The following TMEM265 variants were observed in gnomAD, a reference collection of about 807,000 sequenced individuals.
TMEM265 encodes the protein transmembrane protein 265.
Under a neutral mutation model 9.5 loss-of-function variants are expected in TMEM265, and 8 were observed. The ratio of observed to expected loss-of-function variants is 0.84; its 90% CI spans 0.49 to 1.52. TMEM265 has a LOEUF of 1.52. TMEM265 is among the 40% of genes most tolerant of loss of function. The pLI, the probability that TMEM265 is intolerant of heterozygous loss-of-function variation, is 0.00. For missense variants in TMEM265, 152 were observed against 146.2 expected, an observed-to-expected ratio of 1.04 and a Z score of -0.21; for synonymous variants, 53 against 56.9, an observed-to-expected ratio of 0.93 and a Z score of 0.31.
intron 2 of TMEM265, 64 bp from the exon 3 acceptor site, chr16:30,743,718 T>A: frequency 7.0e-7 from 1 of 1,432,102 alleles, no homozygotes; most frequent in Non-Finnish European, 9.2e-7. Context: ...GGGAGCGGAG[T>A]GGGGAAATGG....
chr16:30,743,374 T>G (rs556518099), intron 2 of TMEM265, among the ~76,000 whole-genome samples: 37 of 151,606 alleles, frequency 2.4e-4, no homozygotes, highest in Admixed American at 2.0e-3. Flanking sequence ...GGAGTGAAAC[T>G]GTCTCAAAAA....
chr16:30,744,522 C>A lies in TMEM265; in HGVS notation c.*579C>A, dbSNP rs1165510794. On this transcript the variant is annotated 3_prime_UTR_variant, in exon 3 of 3. Transcript: ENST00000615541. Reference sequence around the variant, plus strand: ...AGCAGCTGCTACTATTTATTACTTACTATATTCCAGGCTGTGTTCTAAGCA... The same window carrying A: ...AGCAGCTGCTACTATTTATTACTTAATATATTCCAGGCTGTGTTCTAAGCA... 3.3e-5 allele frequency: 5 copies of A among 152,194 alleles called. No individual in the cohort carries two copies. The highest frequency in any genetic ancestry group is 9.7e-5 in the African/African-American group (4 of 41,448). 9.4% of individuals were successfully genotyped at this position (152,194 alleles called of 1,614,324 possible).
At chr16:30,741,512 C>T (rs1688081187) in intron 1 of TMEM265, 1 of 493,576 alleles carries the variant, frequency 2.0e-6, no homozygotes, top group South Asian at 3.7e-5. Flanking sequence ...GCCTTGTCTA[C>T]ACTGGCTTGC....
At chr16:30,743,256 C>T (rs896339788) in intron 2 of TMEM265, among the ~76,000 whole-genome samples, 4 of 152,020 alleles carry the variant, frequency 2.6e-5, no homozygotes, top group African/African-American at 7.3e-5. Flanking sequence ...CGTGGTGGCA[C>T]GTACCTGTTA....
Position 30,744,552 on chromosome 16 carries a change from A to G in TMEM265, c.*609A>G, listed in dbSNP as rs2053244904. Reference sequence around the variant, plus strand: ...TTCCAGGCTGTGTTCTAAGCACTTTATATTTCTTAACTTCCTCCAGTTTTC... The same window carrying G: ...TTCCAGGCTGTGTTCTAAGCACTTTGTATTTCTTAACTTCCTCCAGTTTTC... On this transcript the variant is annotated 3_prime_UTR_variant, in exon 3 of 3. Transcript: ENST00000615541. The G allele has an allele frequency of 6.6e-6, 1 of 152,176 alleles. No homozygotes were observed. Among genetic ancestry groups the G allele is most frequent in the African/African-American group, 2.4e-5 (1 of 41,428 alleles). 9.4% of individuals were successfully genotyped at this position (152,176 alleles called of 1,614,324 possible).
rs1185047499 is a variant in TMEM265 at position 30,743,869 on chromosome 16, G to C, written c.253G>C (p.Val85Leu). ...ARKLILASFA[V>L]WLAVLILGPL... is the part of the protein sequence containing the mutation. ...GAAACTCATCCTGGCCAGCTTTGCT[G>C]TCTGGCTTGCTGTCCTCATTCTGGG... Residue 85 changes from valine (V) to leucine (L), a missense_variant, in exon 3 of 3, where the codon GTC becomes CTC. By Grantham distance (32) the Val-to-Leu change is conservative. Transcript: ENST00000615541. The C allele has an allele frequency of 3.9e-6, 6 of 1,533,866 alleles. No individual in the cohort carries two copies. The highest frequency in any genetic ancestry group is 5.2e-6 in the Non-Finnish European group (6 of 1,146,736).
Position 30,744,164 on chromosome 16 carries a change from A to G in TMEM265, c.*221A>G, listed in dbSNP as rs981867848. ...CTGCTCTGTTCTTTCAGGGCCCCCC[A>G]CCCCCATCTCCCCTACCCTAGCCCA... On this transcript the variant is annotated 3_prime_UTR_variant, in exon 3 of 3. Coordinates refer to ENST00000615541, the MANE Select transcript of TMEM265 (RefSeq NM_001256829.2). 8 of 473,326 alleles carry G rather than the reference A, an allele frequency of 1.7e-5. No homozygotes were observed. Among genetic ancestry groups the G allele is most frequent in the African/African-American group, 1.2e-4 (6 of 49,892 alleles). The allele number at this position is 473,326 out of a possible 1,614,324, so 29.3% of individuals were successfully genotyped here. A position where few individuals can be genotyped will look rare whatever the true frequency, so the allele number is the denominator to read the frequency against.
At chr16:30,741,714 C>G in intron 1 of TMEM265, 27 bp from the exon 2 acceptor site, 1 of 1,523,756 alleles carries the variant, frequency 6.6e-7, no homozygotes, top group East Asian at 2.5e-5. Flanking sequence ...TTGTTGGGCT[C>G]ACAAGTACCT....
chr16:30,740,786 C>T (rs996864129), intron 1 of TMEM265, 79 bp downstream of exon 1: 1 of 152,386 alleles, frequency 6.6e-6, no homozygotes, highest in Non-Finnish European at 1.5e-5. Flanking sequence ...TCTGTGCTTA[C>T]CTCATCTGAG....
In TMEM265 at chr16:30,741,852, A is replaced by G; in HGVS notation, c.109A>G (p.Ser37Gly). The change falls in exon 2 of 3, where the codon AGC (serine) becomes GGC (glycine). Residue 37 changes from serine (S) to glycine (G), a missense_variant. Transcript: ENST00000615541. ...WLRLRCLAAT[S>G]IICGCSCLGV... Reference sequence around the variant, plus strand: ...CCGCCTCCGCTGCTTGGCAGCTACTAGCATTATCTGTGGCTGCTCTTGCCT... The same window carrying G: ...CCGCCTCCGCTGCTTGGCAGCTACTGGCATTATCTGTGGCTGCTCTTGCCT... The G allele has an allele frequency of 2.0e-6, 3 of 1,533,888 alleles. No individual in the cohort carries two copies. The highest frequency in any genetic ancestry group is 2.6e-6 in the Non-Finnish European group (3 of 1,146,704).
At position 30,744,033 on chromosome 16, in the gene TMEM265, G is replaced by A. The variant is rs2053241656; in HGVS notation, c.*90G>A. 1 of 1,417,790 alleles carries A rather than the reference G, an allele frequency of 7.1e-7. No homozygotes were observed. The highest frequency in any genetic ancestry group is 9.4e-7 in the Non-Finnish European group (1 of 1,068,038). 87.8% of individuals were successfully genotyped at this position (1,417,790 alleles called of 1,614,324 possible). On this transcript the variant is annotated 3_prime_UTR_variant, in exon 3 of 3. Coordinates refer to ENST00000615541, the MANE Select transcript of TMEM265 (RefSeq NM_001256829.2). ...GGTCCTGTGACAGCAGTGGTTGGAA[G>A]GATCCTGGTTGGAAGGATGGGGACT...
Position 30,744,746 on chromosome 16 carries a change from G to A in TMEM265, c.*803G>A, listed in dbSNP as rs930471996. On this transcript the variant is annotated 3_prime_UTR_variant, in exon 3 of 3. Transcript: ENST00000615541. ...TGCACAAGGTCCTCAGCTACTAAAT[G>A]GTAGAGCTGAGACTGAACCCAGACA... The A allele has an allele frequency of 6.6e-6, 1 of 152,206 alleles. No homozygotes were observed. Among genetic ancestry groups the A allele is most frequent in the African/African-American group, 2.4e-5 (1 of 41,446 alleles). 9.4% of individuals were successfully genotyped at this position (152,206 alleles called of 1,614,324 possible).
chr16:30,744,163 C>T lies in TMEM265; in HGVS notation c.*220C>T. ...CCTGCTCTGTTCTTTCAGGGCCCCC[C>T]ACCCCCATCTCCCCTACCCTAGCCC... is the stretch of plus-strand genomic sequence containing the variant. On this transcript the variant is annotated 3_prime_UTR_variant, in exon 3 of 3. Coordinates refer to ENST00000615541, the MANE Select transcript of TMEM265 (RefSeq NM_001256829.2). 2.1e-6 allele frequency: 1 copy of T among 485,762 alleles called. No homozygotes were observed. The highest frequency in any genetic ancestry group is 3.5e-6 in the Non-Finnish European group (1 of 286,782). 30.1% of individuals were successfully genotyped at this position (485,762 alleles called of 1,614,324 possible).
Position 30,741,765 on chromosome 16 carries a change from G to A in TMEM265, c.22G>A (p.Val8Met). 1 of 1,533,984 alleles carries A rather than the reference G, an allele frequency of 6.5e-7. No homozygotes were observed. MEDEEKA[V>M]EILGNTEAAH... ...GGTGATGGAGGACGAGGAGAAGGCA[G>A]TGGAGATCTTGGGCAACACGGAAGC... The change falls in exon 2 of 3, where the codon GTG becomes ATG. Residue 8 changes from valine to methionine, a missense_variant. Transcript: ENST00000615541.
Position 30,741,773 on chromosome 16 carries a change from C to A in TMEM265, c.30C>A (p.Ile10=), listed in dbSNP as rs1415068292. 2.0e-6 allele frequency: 3 copies of A among 1,533,820 alleles called. No individual in the cohort carries two copies. Among genetic ancestry groups the A allele is most frequent in the Admixed American group, 2.0e-5 (1 of 50,968 alleles). Residue 10 remains isoleucine, a synonymous_variant, in exon 2 of 3, where the codon ATC becomes ATA. Transcript: ENST00000615541. ...AGGACGAGGAGAAGGCAGTGGAGAT[C>A]TTGGGCAACACGGAAGCTGCTCATC... MEDEEKAVE[I]LGNTEAAHPP...
At position 30,744,882 on chromosome 16, in the gene TMEM265, C is replaced by T. The variant is rs2053247205; in HGVS notation, c.*939C>T. The T allele has an allele frequency of 6.6e-6, 1 of 152,096 alleles. No homozygotes were observed. The highest frequency in any genetic ancestry group is 6.6e-5 in the Admixed American group (1 of 15,266). 9.4% of individuals were successfully genotyped at this position (152,096 alleles called of 1,614,324 possible). A position where few individuals can be genotyped will look rare whatever the true frequency, so the allele number is the denominator to read the frequency against. The stretch of plus-strand genomic sequence containing the variant: ...GGATTTTCATATCTTTTATCTTGGA[C>T]CTCATAATATTTCAAATTTTTTTTA... On this transcript the variant is annotated 3_prime_UTR_variant, in exon 3 of 3. Coordinates refer to ENST00000615541, the MANE Select transcript of TMEM265 (RefSeq NM_001256829.2).
At position 30,743,888 on chromosome 16, in the gene TMEM265, T is replaced by G; in HGVS notation, c.272T>G (p.Ile91Ser). The change falls in exon 3 of 3, where the codon ATT (isoleucine) becomes AGT (serine). Residue 91 changes from isoleucine (I) to serine (S), a missense_variant. By Grantham distance (142) the Ile-to-Ser change is moderately radical. Transcript: ENST00000615541. The stretch of plus-strand genomic sequence containing the variant: ...TTTGCTGTCTGGCTTGCTGTCCTCA[T>G]TCTGGGTCCCCTGCTGCTGTGGTTG... The part of the protein sequence containing the change: ...ASFAVWLAVL[I>S]LGPLLLWLLS... 1 of 1,533,956 alleles carries G rather than the reference T, an allele frequency of 6.5e-7. No homozygotes were observed. Among genetic ancestry groups the G allele is most frequent in the South Asian group, 1.2e-5 (1 of 83,968 alleles).
In TMEM265 at chr16:30,743,875, CTTGCTGT is replaced by C; in HGVS notation, c.260_266del (p.Leu87ProfsTer42). On this transcript the variant is annotated frameshift_variant, in exon 3 of 3. Transcript: ENST00000615541. LOFTEE classifies it high-confidence loss of function. ...CATCCTGGCCAGCTTTGCTGTCTGGCTTGCTGTCCTCATTCTGGGTCCCCTGCTGCTG... is the reference window on the plus strand; with the variant it reads ...CATCCTGGCCAGCTTTGCTGTCTGGCCCTCATTCTGGGTCCCCTGCTGCTG... 1 of 1,533,952 alleles carries C rather than the reference CTTGCTGT, an allele frequency of 6.5e-7. No individual in the cohort carries two copies. Among genetic ancestry groups the C allele is most frequent in the Non-Finnish European group, 8.7e-7 (1 of 1,146,716 alleles).
chr16:30,742,742 A>G (rs796885110), intron 2 of TMEM265, among the ~76,000 whole-genome samples: 9 of 151,994 alleles, frequency 5.9e-5, no homozygotes, highest in African/African-American at 2.2e-4. Flanking sequence ...CTAGGCCAAC[A>G]TGGTAAAACC....
Sources: gnomAD v4.1 joint callset for allele counts (sites outside exome capture counted in the v4.1 genomes callset) on GRCh38, gnomAD v4.1.1 for gene constraint, MANE v1.5 for transcripts, NCBI Gene and HGNC (gene_info 2026-07-23, HGNC 2026-07-21) for gene names.